The following ARHGEF11 variants were observed in gnomAD, a reference collection of about 807,000 sequenced individuals.
ARHGEF11 encodes the protein Rho guanine nucleotide exchange factor 11.
ARHGEF11 carries 55 observed loss-of-function variants against 193.7 expected under a neutral mutation model. That is an observed-to-expected ratio of 0.28 (90% CI 0.23 to 0.36). The LOEUF (loss-of-function observed/expected upper bound fraction) is 0.36, where lower values mean the gene tolerates loss of function less well. Among genes scored for constraint, ARHGEF11 ranks in the 10% least tolerant of loss-of-function variants. ARHGEF11 has a pLI of 1.00. For missense variants in ARHGEF11, 1,723 were observed against 2,005.6 expected, an observed-to-expected ratio of 0.86 and a Z score of 2.69; for synonymous variants, 693 against 768.0, an observed-to-expected ratio of 0.90 and a Z score of 1.62.
intron 1 of ARHGEF11, among the ~76,000 whole-genome samples, chr1:157,014,315 A>C (rs1035923834): frequency 1.4e-4 from 22 of 152,122 alleles, no homozygotes; most frequent in African/African-American, 4.6e-4. Context: ...TTCAAGCTCA[A>C]ATCTCACTCA....
At chr1:157,022,707 C>T (rs78993228) in intron 1 of ARHGEF11, among the ~76,000 whole-genome samples, 4 of 151,874 alleles carry the variant, frequency 2.6e-5, no homozygotes, top group South Asian at 2.1e-4. Context: ...TGACCCAGAA[C>T]GGCCATAATA....
rs367879372 is a variant in ARHGEF11 at position 157,012,248 on chromosome 1, T to C, written c.33-26075A>G. ...CCAGTTACAAAGACTTCATGTTATA[T>C]GAATCCATGTATGTGAAATATTCAG... On this transcript the variant is annotated intron_variant, in intron 1 of 40. Transcript: ENST00000368194. Among the ~76,000 whole-genome samples the C allele has an allele frequency of 9.2e-5, 14 of 152,336 alleles. 1 individual carries two copies. In the East Asian group the frequency reaches 2.1e-3, roughly 23 times the overall value.
Position 156,979,302 on chromosome 1 carries a change from A to G in ARHGEF11, c.274-16T>C. ...TGCCGTTGACCTGTTGGAGGGACAAACAGTATTGAGTAATGGTAATGAACA... is the reference window on the plus strand; with the variant it reads ...TGCCGTTGACCTGTTGGAGGGACAAGCAGTATTGAGTAATGGTAATGAACA... On this transcript the variant is annotated splice_polypyrimidine_tract_variant and intron_variant, in intron 4 of 40. Coordinates refer to ENST00000368194, the MANE Select transcript of ARHGEF11 (RefSeq NM_198236.3). 6.2e-7 allele frequency: 1 copy of G among 1,611,876 alleles called. No homozygotes were observed. Among genetic ancestry groups the G allele is most frequent in the South Asian group, 1.1e-5 (1 of 90,988 alleles).
chr1:156,971,627 G>A lies in ARHGEF11; in HGVS notation c.702+70C>T, dbSNP rs968863916. The stretch of plus-strand genomic sequence containing the variant: ...ATAACCCAAGAAGCCTTCTGTCCTT[G>A]CTTTTTCCCTCACTCTACCCCCAGT... On this transcript the variant is annotated intron_variant, in intron 8 of 40. Coordinates refer to ENST00000368194, the MANE Select transcript of ARHGEF11 (RefSeq NM_198236.3). The A allele has an allele frequency of 3.2e-5, 50 of 1,548,506 alleles. 1 individual carries two copies. The East Asian group carries it at 1.1e-3, about 35-fold the overall frequency.
chr1:157,046,843 C>CT (rs1558008321), upstream of ARHGEF11, among the ~76,000 whole-genome samples: 1 of 151,676 alleles, frequency 6.6e-6, no homozygotes, highest in African/African-American at 2.4e-5. Context: ...AACCCCCCCC[C>CT]TCTACTAAAA....
At chr1:157,037,732 C>A (rs1298608575) in intron 1 of ARHGEF11, among the ~76,000 whole-genome samples, 2 of 151,958 alleles carry the variant, frequency 1.3e-5, no homozygotes, top group African/African-American at 4.8e-5. Flanking sequence ...CATTTCCCAA[C>A]AAGCATTTAG....
At chr1:156,969,416 C>T in intron 9 of ARHGEF11, 58 bp from the exon 10 acceptor site, 3 of 1,510,716 alleles carry the variant, frequency 2.0e-6, no homozygotes, top group Non-Finnish European at 2.7e-6. Flanking sequence ...GGAAAGAGAG[C>T]CTTTATTCTG....
At chr1:156,996,643 G>T (rs1666534221) in intron 1 of ARHGEF11, among the ~76,000 whole-genome samples, 3 of 151,452 alleles carry the variant, frequency 2.0e-5, no homozygotes, top group African/African-American at 7.3e-5. Flanking sequence ...CGTGGTAGCG[G>T]GCGCCTGTAG....
intron 4 of ARHGEF11, 139 bp from the exon 5 acceptor site, chr1:156,979,425 G>A (rs1044660630): frequency 4.9e-6 from 3 of 606,426 alleles, no homozygotes; most frequent in Non-Finnish European, 8.6e-6. Context: ...GAGTGCAGTG[G>A]CCCATCTCGG....
upstream of ARHGEF11, among the ~76,000 whole-genome samples, chr1:157,045,763 C>G (rs561333637): frequency 1.3e-5 from 2 of 150,682 alleles, no homozygotes; most frequent in Non-Finnish European, 3.0e-5. Flanking sequence ...CGGCCGCGCT[C>G]GCCTCCTTCC....
At position 156,980,452 on chromosome 1, in the gene ARHGEF11, G is replaced by A. The variant is rs751727111; in HGVS notation, c.258C>T (p.Gly86=). The A allele has an allele frequency of 1.2e-5, 20 of 1,604,344 alleles. No homozygotes were observed. Among genetic ancestry groups the A allele is most frequent in the South Asian group, 5.6e-5 (5 of 88,726 alleles). The change falls in exon 4 of 41, where the codon GGC becomes GGT. Residue 86 remains glycine, a synonymous_variant. Coordinates refer to ENST00000368194, the MANE Select transcript of ARHGEF11 (RefSeq NM_198236.3). The part of the protein sequence containing the change: ...GAAMKAGVKE[G]DRIIKVNGTM... ...GGTCACTCACTTTGATGATCCGGTC[G>A]CCCTCTTTCACACCGGCCTTCATGG...
chr1:157,017,905 C>T (rs11264599), intron 1 of ARHGEF11, among the ~76,000 whole-genome samples: 27,064 of 151,878 alleles, frequency 0.18, 2,982 homozygotes, highest in East Asian at 0.44. Context: ...GTCATATTTC[C>T]AGACAACATG....
chr1:157,035,621 T>A (rs2103041034), intron 1 of ARHGEF11, among the ~76,000 whole-genome samples: 1 of 151,846 alleles, frequency 6.6e-6, no homozygotes, highest in Non-Finnish European at 1.5e-5. Context: ...GTCAGGCTGG[T>A]ACAAATTATC....
chr1:156,961,664 A>G lies in ARHGEF11; in HGVS notation c.1239+13T>C. 1 of 1,610,452 alleles carries G rather than the reference A, an allele frequency of 6.2e-7. No homozygotes were observed. Among genetic ancestry groups the G allele is most frequent in the Non-Finnish European group, 8.5e-7 (1 of 1,176,622 alleles). On this transcript the variant is annotated intron_variant, in intron 14 of 40. Transcript: ENST00000368194. Reference sequence around the variant, plus strand: ...ATATGATAAAATTATAATCCAATCTATGACTGCCTTACCGCATTTTTCTCC... The same window carrying G: ...ATATGATAAAATTATAATCCAATCTGTGACTGCCTTACCGCATTTTTCTCC...
Position 156,948,642 on chromosome 1 carries a change from T to G in ARHGEF11, c.1926-144A>C. ...CCTGAACATGGCCAAAGCAGCTGGA[T>G]GGCAGTGGAAGCTTCTCAATGACAG... On this transcript the variant is annotated intron_variant, in intron 22 of 40. Transcript: ENST00000368194. This position sits in a 1 kb window ranked among gnomAD's most constrained non-coding sequence, Gnocchi z 4.2. The G allele has an allele frequency of 1.9e-6, 3 of 1,568,152 alleles. No individual in the cohort carries two copies. Among genetic ancestry groups the G allele is most frequent in the Non-Finnish European group, 1.7e-6 (2 of 1,161,390 alleles).
chr1:157,038,795 G>A (rs1437948707), intron 1 of ARHGEF11, among the ~76,000 whole-genome samples: 2 of 152,204 alleles, frequency 1.3e-5, no homozygotes, highest in Non-Finnish European at 2.9e-5. Context: ...TTGGGAGGCC[G>A]AGGTGGGCAG....
At chr1:157,015,334 G>A (rs1487959173) in intron 1 of ARHGEF11, among the ~76,000 whole-genome samples, 1 of 152,116 alleles carries the variant, frequency 6.6e-6, no homozygotes, top group Non-Finnish European at 1.5e-5. Flanking sequence ...CTCATTATAC[G>A]CAGCTATGAA....
At chr1:156,977,119 T>A in intron 6 of ARHGEF11, 65 bp from the exon 7 acceptor site, 2 of 1,397,148 alleles carry the variant, frequency 1.4e-6, no homozygotes, top group Non-Finnish European at 1.0e-6. Context: ...CTCTCTTCTA[T>A]CTGCTGGTTC....
chr1:156,994,709 T>C (rs1427341032), intron 1 of ARHGEF11, among the ~76,000 whole-genome samples: 1 of 152,204 alleles, frequency 6.6e-6, no homozygotes, highest in African/African-American at 2.4e-5. Context: ...ACATGTGGTA[T>C]GGTTTTAAAA....
Sources: allele counts gnomAD v4.1 joint callset (sites outside exome capture counted in the v4.1 genomes callset), GRCh38; gene constraint gnomAD v4.1.1; non-coding constraint Gnocchi (gnomAD v3.1); transcripts MANE v1.5; gene names NCBI Gene and HGNC (gene_info 2026-07-23, HGNC 2026-07-21).